The following KANK4 variants were observed in gnomAD, a reference collection of about 807,000 sequenced individuals.
KANK4 encodes KN motif and ankyrin repeat domain-containing protein 4.
Under a neutral mutation model 80.8 loss-of-function variants are expected in KANK4, and 50 were observed. That is an observed-to-expected ratio of 0.62 (90% CI 0.49 to 0.78). The LOEUF is 0.78. Among genes scored for constraint, KANK4 ranks in the 30% least tolerant of loss-of-function variants. The pLI is 0.00. For missense variants in KANK4, 1,196 were observed against 1,240.1 expected, an observed-to-expected ratio of 0.96 and a Z score of 0.53; for synonymous variants, 465 against 506.9, an observed-to-expected ratio of 0.92 and a Z score of 1.11.
rs368045332 is a variant in KANK4 at position 62,274,246 on chromosome 1, C to T, written c.858G>A (p.Pro286=). Residue 286 remains proline, a synonymous_variant, in exon 3 of 10, where the codon CCG becomes CCA. Transcript: ENST00000371153. The part of the protein sequence containing the change: ...LFTPGSPTPS[P]PPLPSPIPEN... ...CAGGGATGGGTGATGGCAGAGGTGG[C>T]GGGCTTGGCGTAGGGGAGCCAGGGG... 5.3e-5 allele frequency: 85 copies of T among 1,613,706 alleles called. No homozygotes were observed. The highest frequency in any genetic ancestry group is 1.6e-4 in the Middle Eastern group (1 of 6,084).
At chr1:62,295,276 G>C (rs7413446) in intron 1 of KANK4, among the ~76,000 whole-genome samples, 65,372 of 151,730 alleles carry the variant, frequency 0.43, 15,250 homozygotes, top group East Asian at 0.78. Context: ...GTAGCTACAG[G>C]GACTATAGGC....
intron 1 of KANK4, among the ~76,000 whole-genome samples, chr1:62,315,472 G>A (rs755418113): frequency 2.6e-4 from 40 of 152,270 alleles, no homozygotes; most frequent in Admixed American, 7.2e-4. Flanking sequence ...CTATGCCAGG[G>A]ATCGACACAC....
At chr1:62,280,753 T>C (rs1672434474) in intron 2 of KANK4, among the ~76,000 whole-genome samples, 1 of 152,220 alleles carries the variant, frequency 6.6e-6, no homozygotes, top group African/African-American at 2.4e-5. Context: ...TTACGTAATT[T>C]AGTTCTTTAC....
chr1:62,250,911 T>C (rs892350595), intron 8 of KANK4, among the ~76,000 whole-genome samples: 3 of 152,350 alleles, frequency 2.0e-5, no homozygotes, highest in Admixed American at 6.5e-5. Flanking sequence ...TAGGTTACTA[T>C]CTGCAATCTC....
intron 2 of KANK4, among the ~76,000 whole-genome samples, chr1:62,275,786 GA>G (rs1269798504): frequency 7.3e-6 from 1 of 137,348 alleles, no homozygotes; most frequent in African/African-American, 2.7e-5. Flanking sequence ...GCCAAGTAAG[GA>G]AATACCTACT....
intron 9 of KANK4, among the ~76,000 whole-genome samples, chr1:62,247,237 T>C (rs907367547): frequency 6.6e-6 from 1 of 152,030 alleles, no homozygotes; most frequent in African/African-American, 2.4e-5. Flanking sequence ...TTTTGTTGCA[T>C]TGCCATAGGA....
rs749649434 is a variant in KANK4, at chr1:62,247,682, G to A, written c.2683-10C>T. On this transcript the variant is annotated splice_polypyrimidine_tract_variant and intron_variant, in intron 8 of 9. Coordinates refer to ENST00000371153, the MANE Select transcript of KANK4 (RefSeq NM_181712.5). ...GCGCAGTCTGGCCTCCCTGCATGCA[G>A]AGCCACAGGGATGTGGTGAGGTTGC... 1.9e-5 allele frequency: 31 copies of A among 1,609,730 alleles called. No homozygotes were observed. Among genetic ancestry groups the A allele is most frequent in the Non-Finnish European group, 2.5e-5 (29 of 1,179,390 alleles).
At chr1:62,285,549 T>G (rs1229130423) in intron 1 of KANK4, among the ~76,000 whole-genome samples, 1 of 152,222 alleles carries the variant, frequency 6.6e-6, no homozygotes, top group African/African-American at 2.4e-5. Flanking sequence ...AAACCTCTTT[T>G]TATTCTGCAA....
chr1:62,262,131 G>A (rs75865147), intron 7 of KANK4, among the ~76,000 whole-genome samples: 1 of 152,164 alleles, frequency 6.6e-6, no homozygotes, highest in Admixed American at 6.5e-5. Context: ...CATGACCTTT[G>A]TTAAAAAGTA....
At chr1:62,280,170 A>G (rs1672420942) in intron 2 of KANK4, among the ~76,000 whole-genome samples, 1 of 152,236 alleles carries the variant, frequency 6.6e-6, no homozygotes, top group South Asian at 2.1e-4. Context: ...GGCTGAAAAT[A>G]AAGCCAGAAA....
At chr1:62,316,589 T>C (rs1644542173) in intron 1 of KANK4, among the ~76,000 whole-genome samples, 1 of 152,182 alleles carries the variant, frequency 6.6e-6, no homozygotes, top group Non-Finnish European at 1.5e-5. Context: ...GTTTTGGAAA[T>C]GGGTTAATGG....
chr1:62,315,962 A>G (rs933764410), intron 1 of KANK4, among the ~76,000 whole-genome samples: 33 of 152,226 alleles, frequency 2.2e-4, no homozygotes, highest in African/African-American at 8.0e-4. Flanking sequence ...CAGAGGCTCA[A>G]TGCAGTTTCA....
At position 62,271,453 on chromosome 1, in the gene KANK4, T is replaced by C. The variant is rs77901899; in HGVS notation, c.2012+25A>G. 0.091 allele frequency: 135,347 copies of C among 1,482,236 alleles called. 6,910 individuals carry two copies. Among genetic ancestry groups the C allele is most frequent in the East Asian group, 0.11 (4,697 of 44,222 alleles). 91.8% of individuals were successfully genotyped at this position (1,482,236 alleles called of 1,614,324 possible). A position where few individuals can be genotyped will look rare whatever the true frequency, so the allele number is the denominator to read the frequency against. ...GCAGGAGAGGTAGCAAGAAAGGCAG[T>C]CTGAGCTTCACAAGCGATGCTTACC... On this transcript the variant is annotated intron_variant, in intron 4 of 9. Coordinates refer to ENST00000371153, the MANE Select transcript of KANK4 (RefSeq NM_181712.5).
chr1:62,264,199 C>G (rs1671964235), intron 6 of KANK4, among the ~76,000 whole-genome samples: 1 of 152,142 alleles, frequency 6.6e-6, no homozygotes, highest in South Asian at 2.1e-4. Context: ...GGGTATATCA[C>G]CTGAGGTTGG....
intron 2 of KANK4, among the ~76,000 whole-genome samples, chr1:62,278,423 G>A (rs1328110204): frequency 1.6e-5 from 2 of 122,238 alleles, no homozygotes; most frequent in African/African-American, 3.1e-5. Flanking sequence ...ATGGAATTTC[G>A]TTCTTGTTGC....
intron 1 of KANK4, among the ~76,000 whole-genome samples, chr1:62,316,345 C>G (rs1200843190): frequency 6.6e-6 from 1 of 152,234 alleles, no homozygotes; most frequent in Non-Finnish European, 1.5e-5. Flanking sequence ...ACACCTTAGG[C>G]TGCTACTGAA....
At chr1:62,261,302 G>A (rs1671880410) in intron 7 of KANK4, among the ~76,000 whole-genome samples, 1 of 152,014 alleles carries the variant, frequency 6.6e-6, no homozygotes, top group Non-Finnish European at 1.5e-5. Flanking sequence ...AGGATTACAG[G>A]CATGCGTCAC....
chr1:62,264,616 T>G (rs113521208), intron 6 of KANK4, among the ~76,000 whole-genome samples: 1 of 152,144 alleles, frequency 6.6e-6, no homozygotes, highest in African/African-American at 2.4e-5. Flanking sequence ...GGAGACAGTA[T>G]CCGGTGCTTT....
At chr1:62,310,800 T>C (rs1156384845) in intron 1 of KANK4, among the ~76,000 whole-genome samples, 3 of 151,966 alleles carry the variant, frequency 2.0e-5, no homozygotes, top group African/African-American at 7.3e-5. Context: ...CCCACCCAAA[T>C]GGAAAGAACT....
Sources: allele counts gnomAD v4.1 joint callset (sites outside exome capture counted in the v4.1 genomes callset), GRCh38; gene constraint gnomAD v4.1.1; transcripts MANE v1.5; gene names NCBI Gene and HGNC (gene_info 2026-07-23, HGNC 2026-07-21).